Variants in MYH11 observed in about 807,000 individuals in gnomAD.
The protein encoded by MYH11 is myosin-11.
In MYH11, 80 loss-of-function variants were observed where a neutral mutation model predicts 246.6. The observed-to-expected ratio is 0.32, with a 90% CI of 0.27 to 0.39. The LOEUF is 0.39. MYH11 is among the 10% of genes least tolerant of loss of function. The probability of loss-of-function intolerance (pLI) is 1.00; values close to 1 mark genes in which losing one functional copy is unlikely to be tolerated. For synonymous variants in MYH11, 1,071 were observed against 1,015.5 expected (o/e 1.05, Z -1.04); for missense variants, 2,158 against 2,546.8 (o/e 0.85, Z 3.29).
At chr16:15,846,986 G>A (rs1463574614) in intron 1 of MYH11, among the ~76,000 whole-genome samples, 2 of 152,002 alleles carry the variant, frequency 1.3e-5, no homozygotes, top group Non-Finnish European at 2.9e-5. Context: ...AATTCATCAA[G>A]CTGCACACTT....
chr16:15,735,911 T>C (rs2041104112), intron 25 of MYH11, among the ~76,000 whole-genome samples: 3 of 151,970 alleles, frequency 2.0e-5, no homozygotes, highest in African/African-American at 7.3e-5. Flanking sequence ...AGATGCTTTC[T>C]GAATGTTGGA....
chr16:15,787,324 C>CAT (rs2042494169), intron 4 of MYH11, among the ~76,000 whole-genome samples: 1 of 151,740 alleles, frequency 6.6e-6, no homozygotes, highest in South Asian at 2.1e-4. Context: ...GGGAGGATGG[C>CAT]TTGAGCCCAG....
At chr16:15,717,004 A>AC (rs1357826459) in intron 38 of MYH11, 136 bp downstream of exon 38, 2 of 973,266 alleles carry the variant, frequency 2.1e-6, no homozygotes, top group East Asian at 4.7e-5. Context: ...CTCACAACAT[A>AC]CCTGCACTGT....
chr16:15,835,221 C>T (rs1486145933), intron 2 of MYH11, among the ~76,000 whole-genome samples: 1 of 152,014 alleles, frequency 6.6e-6, no homozygotes, highest in Non-Finnish European at 1.5e-5. Context: ...TCTATACTAC[C>T]CCTTACAAGG....
chr16:15,777,097 G>GCA (rs2042238636), intron 7 of MYH11, among the ~76,000 whole-genome samples: 1 of 145,436 alleles, frequency 6.9e-6, no homozygotes, highest in East Asian at 1.9e-4. Flanking sequence ...GTATACACAC[G>GCA]CACACATACA....
intron 1 of MYH11, among the ~76,000 whole-genome samples, chr16:15,855,684 A>G (rs927494130): frequency 6.6e-6 from 1 of 152,212 alleles, no homozygotes; most frequent in African/African-American, 2.4e-5. Flanking sequence ...GGAAAACATC[A>G]ATTTCCTTCA....
intron 2 of MYH11, among the ~76,000 whole-genome samples, chr16:15,828,080 C>G (rs1468993531): frequency 6.6e-6 from 1 of 152,184 alleles, no homozygotes; most frequent in Non-Finnish European, 1.5e-5. Context: ...TGGCTAAGGG[C>G]TCAGAACTGG....
rs751070234 is a variant in MYH11, at chr16:15,786,744, G to A, written c.531-12C>T. The A allele has an allele frequency of 8.1e-6, 13 of 1,611,086 alleles. No individual in the cohort carries two copies. Among genetic ancestry groups the A allele is most frequent in the South Asian group, 3.3e-5 (3 of 90,816 alleles). ...CTCCAGACTCGCCTCTGAAAGACAC[G>A]GGAACATCATCTATGCACACGTTCC... On this transcript the variant is annotated splice_polypyrimidine_tract_variant and intron_variant, in intron 4 of 40. Transcript: ENST00000300036.
intron 32 of MYH11, 48 bp downstream of exon 32, chr16:15,721,374 G>A (rs759853550): frequency 2.5e-6 from 4 of 1,583,540 alleles, no homozygotes; most frequent in Non-Finnish European, 3.5e-6. Flanking sequence ...TAGCACAGAG[G>A]GTGGGCAGGC....
intron 27 of MYH11, among the ~76,000 whole-genome samples, chr16:15,729,307 T>G (rs896811169): frequency 2.6e-5 from 4 of 152,046 alleles, no homozygotes; most frequent in Non-Finnish European, 5.9e-5. Context: ...ACATCAGAAT[T>G]CAAGTTGTTA....
intron 3 of MYH11, among the ~76,000 whole-genome samples, chr16:15,803,552 G>T (rs1284192338): frequency 3.3e-5 from 5 of 152,094 alleles, no homozygotes; most frequent in African/African-American, 1.2e-4. Context: ...ACTAAAAAGT[G>T]ATTTTTTAAA....
intron 10 of MYH11, among the ~76,000 whole-genome samples, chr16:15,762,540 C>T (rs547315122): frequency 1.3e-5 from 2 of 152,082 alleles, no homozygotes; most frequent in African/African-American, 4.8e-5. Flanking sequence ...CCACCCAGAT[C>T]GAGAAACTGG....
At chr16:15,838,592 G>A (rs936488307) in intron 1 of MYH11, among the ~76,000 whole-genome samples, 1 of 152,144 alleles carries the variant, frequency 6.6e-6, no homozygotes, top group Non-Finnish European at 1.5e-5. Flanking sequence ...GGACAAGGTG[G>A]CTCACACCTG....
intron 1 of MYH11, among the ~76,000 whole-genome samples, chr16:15,840,147 C>T (rs1188353123): frequency 6.6e-6 from 1 of 152,044 alleles, no homozygotes; most frequent in African/African-American, 2.4e-5. Flanking sequence ...CACCACCTTT[C>T]GGGGTGATAA....
At chr16:15,842,968 C>T (rs2044094734) in intron 1 of MYH11, among the ~76,000 whole-genome samples, 1 of 151,938 alleles carries the variant, frequency 6.6e-6, no homozygotes, top group African/African-American at 2.4e-5. Flanking sequence ...AGTGTCCTGC[C>T]CCTGACTCCA....
chr16:15,836,611 G>A (rs750725616), intron 2 of MYH11, among the ~76,000 whole-genome samples: 7 of 151,926 alleles, frequency 4.6e-5, no homozygotes, highest in Non-Finnish European at 8.8e-5. Flanking sequence ...TGTTGGCCAG[G>A]CTTGTCTAGA....
rs147496115 is a variant in MYH11, at chr16:15,763,870, G to A, written c.1055C>T (p.Ser352Leu). The A allele has an allele frequency of 2.0e-5, 33 of 1,612,748 alleles. No homozygotes were observed. Among genetic ancestry groups the A allele is most frequent in the Middle Eastern group, 1.6e-4 (1 of 6,074 alleles). ...EQLSILKVVS[S>L]VLQLGNIVFK... ...GACGATATTTCCAAGCTGCAGGACC[G>A]ATGATACCACCTTCAATATGGCTGA... The change falls in exon 10 of 41, where the codon TCG becomes TTG. Residue 352 changes from serine to leucine, a missense_variant. Transcript: ENST00000300036.
intron 5 of MYH11, among the ~76,000 whole-genome samples, chr16:15,784,099 A>G (rs947330618): frequency 6.6e-6 from 1 of 152,110 alleles, no homozygotes; most frequent in African/African-American, 2.4e-5. Context: ...CGCGCCACCA[A>G]AGCTAGTGCA....
intron 1 of MYH11, among the ~76,000 whole-genome samples, chr16:15,843,333 T>C (rs1262860293): frequency 6.6e-6 from 1 of 151,148 alleles, no homozygotes; most frequent in East Asian, 2.0e-4. Context: ...ATCATGCCAC[T>C]GTACTCCAGC....
Sources: allele counts gnomAD v4.1 joint callset (sites outside exome capture counted in the v4.1 genomes callset), GRCh38; gene constraint gnomAD v4.1.1; transcripts MANE v1.5; gene names NCBI Gene and HGNC (gene_info 2026-07-23, HGNC 2026-07-21).